Variants in PARD3B observed in about 807,000 individuals in gnomAD.
PARD3B encodes the protein partitioning defective 3 homolog B.
A neutral mutation model predicts 130.2 loss-of-function variants in PARD3B; 103 were observed. That is an observed-to-expected ratio of 0.79 (90% confidence interval 0.67 to 0.93). The LOEUF (loss-of-function observed/expected upper bound fraction) is 0.93, where lower values mean the gene tolerates loss of function less well. PARD3B is among the 40% of genes least tolerant of loss of function. PARD3B has a pLI of 0.00. For missense variants in PARD3B, 1,609 were observed against 1,499.2 expected, an observed-to-expected ratio of 1.07 and a Z score of -1.21; for synonymous variants, 583 against 553.2, an observed-to-expected ratio of 1.05 and a Z score of -0.76.
At chr2:204,961,609 A>G (rs1690754130) in intron 2 of PARD3B, among the ~76,000 whole-genome samples, 1 of 152,196 alleles carries the variant, frequency 6.6e-6, no homozygotes. Context: ...CATGAAACAG[A>G]TGATATCACT....
intron 15 of PARD3B, among the ~76,000 whole-genome samples, chr2:205,209,763 T>C (rs1360117651): frequency 6.6e-6 from 1 of 151,966 alleles, no homozygotes; most frequent in Non-Finnish European, 1.5e-5. Flanking sequence ...GATTTTTAGA[T>C]GCAGTAGTTG....
chr2:205,299,904 T>G (rs1437229937), intron 16 of PARD3B, among the ~76,000 whole-genome samples: 1 of 152,226 alleles, frequency 6.6e-6, no homozygotes, highest in Non-Finnish European at 1.5e-5. Flanking sequence ...ATTGATTGAT[T>G]AAATAAATGG....
chr2:204,962,011 G>A (rs1690787487), intron 2 of PARD3B, among the ~76,000 whole-genome samples: 1 of 152,130 alleles, frequency 6.6e-6, no homozygotes, highest in Admixed American at 6.5e-5. Context: ...CCTGTGGTAA[G>A]TGGATCCTGA....
rs1043733791 is a variant in PARD3B, at chr2:205,575,548, T to C, written c.3260+22145T>C. On this transcript the variant is annotated intron_variant, in intron 22 of 22. Coordinates refer to ENST00000406610, the MANE Select transcript of PARD3B (RefSeq NM_001302769.2). The surrounding 1 kb of genome is among the most constrained non-coding windows in gnomAD (Gnocchi z 4.6). ...CCTAGTCATACCCCACTCCACACCA[T>C]TACCCCTAGCTACTATTGATCTTTT... 2.0e-5 allele frequency among the ~76,000 whole-genome samples: 3 copies of C among 152,126 alleles called. No homozygotes were observed. Among genetic ancestry groups the C allele is most frequent in the Non-Finnish European group, 4.4e-5 (3 of 68,014 alleles).
chr2:205,330,030 T>TAAATA (rs1553675922), intron 18 of PARD3B, among the ~76,000 whole-genome samples: 19 of 3,478 alleles, frequency 5.5e-3, no homozygotes, highest in Non-Finnish European at 0.016. Context: ...AATAAATAAA[T>TAAATA]AAATAAAATA....
intron 2 of PARD3B, among the ~76,000 whole-genome samples, chr2:204,854,101 T>G (rs1476743775): frequency 1.3e-5 from 2 of 151,994 alleles, no homozygotes; most frequent in Non-Finnish European, 2.9e-5. Context: ...TTCAAAACAC[T>G]GAAAGAAACA....
At chr2:204,581,628 A>G (rs2032562876) in intron 1 of PARD3B, among the ~76,000 whole-genome samples, 1 of 152,078 alleles carries the variant, frequency 6.6e-6, no homozygotes, top group East Asian at 1.9e-4. Flanking sequence ...TTTGCCAGCC[A>G]CCTTTATGTG....
intron 15 of PARD3B, among the ~76,000 whole-genome samples, chr2:205,202,638 A>C (rs985882977): frequency 6.6e-6 from 1 of 152,194 alleles, no homozygotes; most frequent in Non-Finnish European, 1.5e-5. Context: ...GAATGAGTGA[A>C]TAAGAGGTAC....
intron 18 of PARD3B, among the ~76,000 whole-genome samples, chr2:205,318,877 C>T (rs1352756943): frequency 6.6e-6 from 1 of 152,110 alleles, no homozygotes; most frequent in Non-Finnish European, 1.5e-5. Context: ...CATGGCCAGG[C>T]CTGATTCCTC....
chr2:205,015,511 T>C lies in PARD3B; in HGVS notation c.395-32070T>C, dbSNP rs1221010781. On this transcript the variant is annotated intron_variant, in intron 3 of 22. Transcript: ENST00000406610. This position sits in a 1 kb window ranked among gnomAD's most constrained non-coding sequence, Gnocchi z 4.5. Reference sequence around the variant, plus strand: ...GAAGATAGGGATGATGTGTTATTCATATAGGTATAACCCAGTCTTGAGCTT... The same window carrying C: ...GAAGATAGGGATGATGTGTTATTCACATAGGTATAACCCAGTCTTGAGCTT... Among the ~76,000 whole-genome samples, 1 of 152,222 alleles carries C rather than the reference T, an allele frequency of 6.6e-6. No individual in the cohort carries two copies. Among genetic ancestry groups the C allele is most frequent in the Non-Finnish European group, 1.5e-5 (1 of 68,044 alleles).
intron 2 of PARD3B, among the ~76,000 whole-genome samples, chr2:204,710,633 C>G (rs1180564628): frequency 6.6e-6 from 1 of 152,140 alleles, no homozygotes; most frequent in Non-Finnish European, 1.5e-5. Flanking sequence ...CCCTTTTCTC[C>G]TTCATATTCT....
intron 1 of PARD3B, among the ~76,000 whole-genome samples, chr2:204,550,357 G>T (rs2030357367): frequency 6.6e-6 from 1 of 151,518 alleles, no homozygotes; most frequent in African/African-American, 2.4e-5. Context: ...AAATATTTTT[G>T]ATCTGGGGTT....
At chr2:204,819,836 C>G (rs2043275661) in intron 2 of PARD3B, among the ~76,000 whole-genome samples, 2 of 152,182 alleles carry the variant, frequency 1.3e-5, no homozygotes, top group South Asian at 4.1e-4. Flanking sequence ...TAAGTCAAAT[C>G]CAGAGCAAGG....
intron 20 of PARD3B, among the ~76,000 whole-genome samples, chr2:205,459,355 G>A (rs1318492484): frequency 6.6e-6 from 1 of 151,756 alleles, no homozygotes; most frequent in Non-Finnish European, 1.5e-5. Context: ...GAGTAAGAAT[G>A]CAACAAATTC....
At chr2:205,410,054 G>A (rs1453819076) in intron 19 of PARD3B, among the ~76,000 whole-genome samples, 1 of 152,078 alleles carries the variant, frequency 6.6e-6, no homozygotes, top group Non-Finnish European at 1.5e-5. Context: ...AGAGATACAG[G>A]TTGAATATCC....
intron 22 of PARD3B, among the ~76,000 whole-genome samples, chr2:205,614,478 CAG>C (rs2055348369): frequency 6.6e-6 from 1 of 151,916 alleles, no homozygotes; most frequent in Non-Finnish European, 1.5e-5. Flanking sequence ...CCGAGCCAGG[CAG>C]ATCACCTAAG....
chr2:205,231,423 C>T (rs571091220), intron 15 of PARD3B, among the ~76,000 whole-genome samples: 5 of 151,540 alleles, frequency 3.3e-5, no homozygotes, highest in African/African-American at 9.7e-5. Context: ...ACCTCCTGGG[C>T]TCAAGCAGTC....
intron 2 of PARD3B, among the ~76,000 whole-genome samples, chr2:204,875,860 G>A (rs1034145788): frequency 6.6e-6 from 1 of 152,194 alleles, no homozygotes; most frequent in African/African-American, 2.4e-5. Flanking sequence ...TGAAGAGCCT[G>A]CTGAAGAATA....
At chr2:205,151,807 T>C (rs2033776224) in intron 10 of PARD3B, among the ~76,000 whole-genome samples, 1 of 152,188 alleles carries the variant, frequency 6.6e-6, no homozygotes, top group African/African-American at 2.4e-5. Flanking sequence ...GTCATTATGA[T>C]GTTAGCTGGA....
Sources: gnomAD v4.1 joint callset for allele counts (sites outside exome capture counted in the v4.1 genomes callset) on GRCh38, gnomAD v4.1.1 for gene constraint, Gnocchi (gnomAD v3.1) non-coding constraint, MANE v1.5 for transcripts, NCBI Gene and HGNC (gene_info 2026-07-23, HGNC 2026-07-21) for gene names.